The following CREB1 variants were observed in gnomAD, a reference collection of about 807,000 sequenced individuals.
The protein encoded by CREB1 is cAMP responsive element binding protein 1.
A neutral mutation model predicts 42.0 loss-of-function variants in CREB1; 2 were observed. The observed-to-expected ratio is 0.05, with a 90% CI of 0.02 to 0.15. CREB1 has a LOEUF of 0.15. Ranked by LOEUF, CREB1 falls within the 10% of genes least tolerant of loss-of-function variation. The pLI is 1.00. For missense variants in CREB1, 199 were observed against 388.9 expected, an observed-to-expected ratio of 0.51 and a Z score of 4.11; for synonymous variants, 123 against 139.9, an observed-to-expected ratio of 0.88 and a Z score of 0.85.
chr2:207,599,491 A>G lies in CREB1; in HGVS notation c.*2433A>G, dbSNP rs556268504. The G allele has an allele frequency of 2.0e-5, 4 of 195,676 alleles. No homozygotes were observed. The highest frequency in any genetic ancestry group is 9.2e-5 in the African/African-American group (4 of 43,354). The allele number at this position is 195,676 out of a possible 1,614,324, so 12.1% of individuals were successfully genotyped here. ...TCTTAGTCCCTGATAAATCAAGGCA[A>G]TCACATTCATGTGAGCTGGATGAAT... On this transcript the variant is annotated 3_prime_UTR_variant, in exon 8 of 8. Coordinates refer to ENST00000353267, the MANE Select transcript of CREB1 (RefSeq NM_004379.5).
rs549245308 is a variant in CREB1, at chr2:207,602,310, C to A, written c.*5252C>A. On this transcript the variant is annotated 3_prime_UTR_variant, in exon 8 of 8. Coordinates refer to ENST00000353267, the MANE Select transcript of CREB1 (RefSeq NM_004379.5). Reference sequence around the variant, plus strand: ...TGATATTATAAACAGGCAGTTTTAGCACAGAAAGAAAATACTGACCTGTCT... The same window carrying A: ...TGATATTATAAACAGGCAGTTTTAGAACAGAAAGAAAATACTGACCTGTCT... 5.1e-6 allele frequency: 1 copy of A among 195,624 alleles called. No individual in the cohort carries two copies. The highest frequency in any genetic ancestry group is 2.3e-5 in the African/African-American group (1 of 43,170). 12.1% of individuals were successfully genotyped at this position (195,624 alleles called of 1,614,324 possible).
chr2:207,546,764 G>A lies in CREB1; in HGVS notation c.-8-8864G>A, dbSNP rs1019702926. 2.6e-5 allele frequency among the ~76,000 whole-genome samples: 4 copies of A among 151,662 alleles called. No individual in the cohort carries two copies. In the East Asian group the frequency reaches 7.7e-4, roughly 29 times the overall value. On this transcript the variant is annotated intron_variant, in intron 1 of 7. Transcript: ENST00000353267. ...CAAAAAACAACAAAAACAAATCAAA[G>A]CCTGTACATAAAGTATGTACTGTTG... is the stretch of plus-strand genomic sequence containing the variant.
chr2:207,552,912 G>A (rs370989781), intron 1 of CREB1, among the ~76,000 whole-genome samples: 80 of 151,930 alleles, frequency 5.3e-4, no homozygotes, highest in African/African-American at 1.6e-3. Flanking sequence ...CACCGCGCCC[G>A]GCTGTGAATG....
intron 1 of CREB1, among the ~76,000 whole-genome samples, chr2:207,536,023 G>T (rs945237287): frequency 1.3e-5 from 2 of 151,834 alleles, no homozygotes; most frequent in Non-Finnish European, 1.5e-5. Context: ...ATGTTGCCCA[G>T]GCTGGTCTCA....
At chr2:207,592,452 T>G (rs1168814934) in intron 7 of CREB1, among the ~76,000 whole-genome samples, 1 of 151,860 alleles carries the variant, frequency 6.6e-6, no homozygotes, top group East Asian at 1.9e-4. Flanking sequence ...TTAAATGGTT[T>G]CTGACAAGAA....
chr2:207,581,026 T>G (rs2082895306), intron 7 of CREB1: 1 of 217,234 alleles, frequency 4.6e-6, no homozygotes, highest in African/African-American at 2.2e-5. Context: ...TGAAAAATTG[T>G]GAAAGTAATA....
intron 1 of CREB1, among the ~76,000 whole-genome samples, chr2:207,544,307 T>A (rs1005432809): frequency 6.6e-6 from 1 of 152,230 alleles, no homozygotes; most frequent in African/African-American, 2.4e-5. Context: ...TTTCATTATG[T>A]TCTTAATCAG....
intron 4 of CREB1, among the ~76,000 whole-genome samples, chr2:207,568,730 G>T (rs983810431): frequency 7.9e-5 from 12 of 152,180 alleles, no homozygotes; most frequent in East Asian, 1.9e-4. Context: ...GTTTTTAGGG[G>T]TTTTTTCCCA....
At chr2:207,545,463 T>C in intron 1 of CREB1, among the ~76,000 whole-genome samples, 1 of 152,168 alleles carries the variant, frequency 6.6e-6, no homozygotes, top group East Asian at 1.9e-4. Context: ...CGCCTTGGCC[T>C]CCCAAAGTGC....
chr2:207,575,226 C>A, intron 5 of CREB1, 46 bp from the exon 6 acceptor site: 1 of 1,553,336 alleles, frequency 6.4e-7, no homozygotes, highest in South Asian at 1.2e-5. Context: ...TTTTAAAAGT[C>A]TTATATGGTA....
chr2:207,577,044 T>C (rs2082625565), intron 6 of CREB1: 1 of 948,088 alleles, frequency 1.1e-6, no homozygotes, highest in Non-Finnish European at 1.3e-6. Context: ...TTGACCATAA[T>C]GCTTTATCTT....
intron 1 of CREB1, among the ~76,000 whole-genome samples, chr2:207,532,036 A>G (rs2080653767): frequency 6.6e-6 from 1 of 152,192 alleles, no homozygotes; most frequent in Admixed American, 6.5e-5. Context: ...GCAAGCCACT[A>G]TCAGTAGAGT....
chr2:207,575,586 G>A, intron 6 of CREB1, 132 bp downstream of exon 6: 2 of 765,674 alleles, frequency 2.6e-6, no homozygotes, highest in Non-Finnish European at 4.0e-6. Flanking sequence ...AATATTGATA[G>A]TATTTTTCAT....
chr2:207,592,938 T>C (rs2085363248), intron 7 of CREB1, among the ~76,000 whole-genome samples: 1 of 35,898 alleles, frequency 2.8e-5, no homozygotes, highest in Non-Finnish European at 5.6e-5. Context: ...TTCTCAGATA[T>C]ACTTTCTTCA....
Position 207,600,069 on chromosome 2 carries a change from G to T in CREB1, c.*3011G>T. On this transcript the variant is annotated 3_prime_UTR_variant, in exon 8 of 8. Coordinates refer to ENST00000353267, the MANE Select transcript of CREB1 (RefSeq NM_004379.5). ...TAATGTTTAACTGAAAAGTGGCTTAGAAAGGGCTAGATCCAATGTGTTCAT... is the reference window on the plus strand; with the variant it reads ...TAATGTTTAACTGAAAAGTGGCTTATAAAGGGCTAGATCCAATGTGTTCAT... 1 of 187,138 alleles carries T rather than the reference G, an allele frequency of 5.3e-6. No individual in the cohort carries two copies. The highest frequency in any genetic ancestry group is 1.1e-5 in the Non-Finnish European group (1 of 88,716). 11.6% of individuals were successfully genotyped at this position (187,138 alleles called of 1,614,324 possible).
At chr2:207,572,431 A>T (rs891897784) in intron 5 of CREB1, among the ~76,000 whole-genome samples, 2 of 152,210 alleles carry the variant, frequency 1.3e-5, no homozygotes, top group African/African-American at 4.8e-5. Flanking sequence ...TAAAATGAAC[A>T]TATGGTTGTC....
At position 207,602,720 on chromosome 2, in the gene CREB1, C is replaced by A. The variant is rs2087296401; in HGVS notation, c.*5662C>A. ...TATAGATGTATTTTTATCCAAGTGC[C>A]ACTCCAATTTGTGTATGTAATAAAA... is the stretch of plus-strand genomic sequence containing the variant. On this transcript the variant is annotated 3_prime_UTR_variant, in exon 8 of 8. Transcript: ENST00000353267. 1 of 210,748 alleles carries A rather than the reference C, an allele frequency of 4.7e-6. No homozygotes were observed. The highest frequency in any genetic ancestry group is 2.3e-5 in the African/African-American group (1 of 44,042). The allele number at this position is 210,748 out of a possible 1,614,324, so 13.1% of individuals were successfully genotyped here. A position where few individuals can be genotyped will look rare whatever the true frequency, so the allele number is the denominator to read the frequency against.
chr2:207,535,311 G>C (rs1251278749), intron 1 of CREB1, among the ~76,000 whole-genome samples: 1 of 152,154 alleles, frequency 6.6e-6, no homozygotes, highest in East Asian at 1.9e-4. Flanking sequence ...CTCTTTTGTT[G>C]AGGTTCTTAC....
intron 2 of CREB1, chr2:207,559,369 C>G (rs2081866824): frequency 1.2e-6 from 1 of 821,980 alleles, no homozygotes; most frequent in Non-Finnish European, 1.5e-6. Context: ...GTCCATTTTT[C>G]TTTTAGCAAA....
Sources: gnomAD v4.1 joint callset for allele counts (sites outside exome capture counted in the v4.1 genomes callset) on GRCh38, gnomAD v4.1.1 for gene constraint, MANE v1.5 for transcripts, NCBI Gene and HGNC (gene_info 2026-07-23, HGNC 2026-07-21) for gene names.